The following GRAMD1B variants were observed in gnomAD, a reference collection of about 807,000 sequenced individuals.
GRAMD1B encodes protein Aster-B.
A neutral mutation model predicts 99.7 loss-of-function variants in GRAMD1B; 37 were observed. The observed-to-expected ratio is 0.37, with a 90% CI of 0.29 to 0.49. The LOEUF (loss-of-function observed/expected upper bound fraction) is 0.49. Ranked by LOEUF, GRAMD1B falls within the 20% of genes least tolerant of loss-of-function variation. The pLI, the probability that GRAMD1B is intolerant of heterozygous loss-of-function variation, is 0.98. For synonymous variants in GRAMD1B, 427 were observed against 387.6 expected (o/e 1.10, Z -1.19); for missense variants, 888 against 1,009.2 (o/e 0.88, Z 1.63).
intron 16 of GRAMD1B, among the ~76,000 whole-genome samples, chr11:123,614,235 G>A (rs1238926126): frequency 6.6e-6 from 1 of 152,244 alleles, no homozygotes; most frequent in Non-Finnish European, 1.5e-5. Flanking sequence ...CAGAAGAAGA[G>A]GGGAGAGTGG....
intron 1 of GRAMD1B, among the ~76,000 whole-genome samples, chr11:123,386,130 T>C (rs1358196792): frequency 6.6e-6 from 1 of 152,218 alleles, no homozygotes; most frequent in Non-Finnish European, 1.5e-5. Flanking sequence ...ACATCTAAGT[T>C]TTCCCATCTG....
intron 2 of GRAMD1B, among the ~76,000 whole-genome samples, chr11:123,530,709 C>T (rs1287112079): frequency 6.6e-6 from 1 of 152,154 alleles, no homozygotes; most frequent in African/African-American, 2.4e-5. Context: ...GAGGTCTGCT[C>T]CAGAGGAGGG....
chr11:123,506,390 G>GT (rs1156630325), intron 2 of GRAMD1B, among the ~76,000 whole-genome samples: 1 of 151,488 alleles, frequency 6.6e-6, no homozygotes, highest in Non-Finnish European at 1.5e-5. Context: ...TCAAAAGCAT[G>GT]TTTTTTGTTT....
rs1324426992 is a variant in GRAMD1B, at chr11:123,599,939, A to AAATCTTCAT, written c.970-528_970-520dup. ...TGGACCACCTTGTGGTTGATCAGTA[A>AAATCTTCAT]AATCTTCATTACTTTCTTTCTGTCT... On this transcript the variant is annotated intron_variant, in intron 7 of 19. Transcript: ENST00000635736. 2.6e-5 allele frequency among the ~76,000 whole-genome samples: 4 copies of AAATCTTCAT among 152,328 alleles called. No individual in the cohort carries two copies. In the East Asian group the frequency reaches 7.7e-4, roughly 29 times the overall value.
At chr11:123,454,319 T>C (rs1484848330) in intron 1 of GRAMD1B, 1 of 152,232 alleles carries the variant, frequency 6.6e-6, no homozygotes, top group African/African-American at 2.4e-5. Flanking sequence ...GGTGTTTTCA[T>C]ATGGGTGTCA....
At chr11:123,505,481 C>T (rs1034031273) in intron 2 of GRAMD1B, among the ~76,000 whole-genome samples, 1 of 151,674 alleles carries the variant, frequency 6.6e-6, no homozygotes, top group African/African-American at 2.4e-5. Flanking sequence ...TGGTAAACCA[C>T]TGAATGAAAA....
intron 1 of GRAMD1B, among the ~76,000 whole-genome samples, chr11:123,419,968 C>T (rs768888937): frequency 4.6e-5 from 7 of 151,954 alleles, no homozygotes; most frequent in African/African-American, 1.2e-4. Flanking sequence ...CAAACTTGCA[C>T]GGAATGATCA....
rs535190520 is a variant in GRAMD1B at position 123,587,028 on chromosome 11, G to C, written c.684+2696G>C. 7.2e-5 allele frequency among the ~76,000 whole-genome samples: 11 copies of C among 152,366 alleles called. No homozygotes were observed. Among genetic ancestry groups the C allele is most frequent in the African/African-American group, 2.6e-4 (11 of 41,592 alleles). On this transcript the variant is annotated intron_variant, in intron 4 of 19. Transcript: ENST00000635736. This position sits in a 1 kb window ranked among gnomAD's most constrained non-coding sequence, Gnocchi z 4.2. ...TGCAGAATCGCTGATAGTGGCAAGA[G>C]CATTCAGGCCCACTGGAGCAGCCTG...
intron 14 of GRAMD1B, among the ~76,000 whole-genome samples, 169 bp from the exon 15 acceptor site, chr11:123,612,592 A>G (rs1046939157): frequency 6.6e-6 from 1 of 152,192 alleles, no homozygotes; most frequent in Non-Finnish European, 1.5e-5. Flanking sequence ...GGATAAATCC[A>G]CCAGCTCCAC....
At position 123,610,168 on chromosome 11, in the gene GRAMD1B, T is replaced by G; in HGVS notation, c.1777-28T>G. The stretch of plus-strand genomic sequence containing the variant: ...CCAAGCTTCTTGCTCCTCTTCAGTT[T>G]TGTCCAATGGACCTTTCCTGCCCGC... On this transcript the variant is annotated intron_variant, in intron 13 of 19. Coordinates refer to ENST00000635736, the MANE Select transcript of GRAMD1B (RefSeq NM_001387025.1). The surrounding 1 kb of genome is among the most constrained non-coding windows in gnomAD (Gnocchi z 4.1). 6.2e-7 allele frequency: 1 copy of G among 1,613,204 alleles called. No homozygotes were observed. Among genetic ancestry groups the G allele is most frequent in the South Asian group, 1.1e-5 (1 of 91,042 alleles).
Position 123,625,225 on chromosome 11 carries a change from T to C in GRAMD1B, c.*2630T>C, listed in dbSNP as rs1199354535. 3 of 152,254 alleles carry C rather than the reference T, an allele frequency of 2.0e-5. No homozygotes were observed. The highest frequency in any genetic ancestry group is 4.4e-5 in the Non-Finnish European group (3 of 68,052). 9.4% of individuals were successfully genotyped at this position (152,254 alleles called of 1,614,324 possible). A position where few individuals can be genotyped will look rare whatever the true frequency, so the allele number is the denominator to read the frequency against. On this transcript the variant is annotated 3_prime_UTR_variant, in exon 20 of 20. Coordinates refer to ENST00000635736, the MANE Select transcript of GRAMD1B (RefSeq NM_001387025.1). ...TGGCCATTTGCCTGGCTAGTTGCTGTCTACAAGGGAGCATCAAAACATCAC... is the reference window on the plus strand; with the variant it reads ...TGGCCATTTGCCTGGCTAGTTGCTGCCTACAAGGGAGCATCAAAACATCAC...
At chr11:123,548,681 T>C (rs1565358519) in intron 2 of GRAMD1B, among the ~76,000 whole-genome samples, 1 of 152,120 alleles carries the variant, frequency 6.6e-6, no homozygotes, top group African/African-American at 2.4e-5. Flanking sequence ...AATCATGGCT[T>C]ACTGCAGCTG....
At chr11:123,592,802 G>A (rs995116905) in intron 4 of GRAMD1B, among the ~76,000 whole-genome samples, 4 of 152,154 alleles carry the variant, frequency 2.6e-5, no homozygotes, top group African/African-American at 4.8e-5. Context: ...GGTGGAGTGT[G>A]GGTGTCTCCG....
intron 1 of GRAMD1B, among the ~76,000 whole-genome samples, chr11:123,396,587 T>C (rs1340197738): frequency 2.6e-5 from 4 of 152,216 alleles, no homozygotes; most frequent in Admixed American, 6.5e-5. Context: ...CCATATGCAC[T>C]TCTATTTCCT....
chr11:123,474,038 G>C (rs1053461724), intron 1 of GRAMD1B, among the ~76,000 whole-genome samples: 1 of 152,118 alleles, frequency 6.6e-6, no homozygotes, highest in African/African-American at 2.4e-5. Flanking sequence ...TCTGTCAGTG[G>C]TGGTGAGGCC....
At chr11:123,452,562 C>A (rs1461331518) in intron 1 of GRAMD1B, among the ~76,000 whole-genome samples, 1 of 152,066 alleles carries the variant, frequency 6.6e-6, no homozygotes, top group Non-Finnish European at 1.5e-5. Context: ...AGCACAATTG[C>A]TTGAACCTGG....
chr11:123,599,397 A>G (rs1364876315), intron 7 of GRAMD1B: 18 of 675,116 alleles, frequency 2.7e-5, no homozygotes, highest in Non-Finnish European at 2.5e-5. Flanking sequence ...CATGACATCC[A>G]TGAGCCATTC....
chr11:123,417,413 C>T (rs1948268297), intron 1 of GRAMD1B, among the ~76,000 whole-genome samples: 1 of 152,120 alleles, frequency 6.6e-6, no homozygotes, highest in South Asian at 2.1e-4. Context: ...GTATTTTGTA[C>T]AGGCACATGC....
chr11:123,554,602 C>G (rs1285738730), intron 2 of GRAMD1B, among the ~76,000 whole-genome samples: 1 of 151,256 alleles, frequency 6.6e-6, no homozygotes, highest in East Asian at 1.9e-4. Context: ...CCCAGCTATT[C>G]CGGAGGCTGA....
Sources: allele counts gnomAD v4.1 joint callset (sites outside exome capture counted in the v4.1 genomes callset), GRCh38; gene constraint gnomAD v4.1.1; non-coding constraint Gnocchi (gnomAD v3.1); transcripts MANE v1.5; gene names NCBI Gene and HGNC (gene_info 2026-07-23, HGNC 2026-07-21).